The following NXPE3 variants were observed in gnomAD, a reference collection of about 807,000 sequenced individuals.
The protein encoded by NXPE3 is NXPE family member 3.
NXPE3 carries 26 observed loss-of-function variants against 46.1 expected under a neutral mutation model. The ratio of observed to expected loss-of-function variants is 0.56; its 90% CI spans 0.41 to 0.78. The LOEUF (loss-of-function observed/expected upper bound fraction) is 0.78. Ranked by LOEUF, NXPE3 falls within the 30% of genes least tolerant of loss-of-function variation. The pLI, the probability that NXPE3 is intolerant of heterozygous loss-of-function variation, is 0.00. For missense variants in NXPE3, 620 were observed against 686.0 expected (o/e 0.90, Z 1.07); for synonymous variants, 272 against 257.9 (o/e 1.05, Z -0.52).
chr3:101,825,081 T>A lies in NXPE3; in HGVS notation c.*3127T>A, dbSNP rs1260309212. On this transcript the variant is annotated 3_prime_UTR_variant, in exon 8 of 8. Transcript: ENST00000273347. ...AAACTTACGTCATGGGGGTTTGTTG[T>A]ATAGATGATTTCATCACCCAGGTGT... The A allele has an allele frequency of 6.6e-6, 1 of 152,174 alleles. No individual in the cohort carries two copies. Among genetic ancestry groups the A allele is most frequent in the East Asian group, 1.9e-4 (1 of 5,196 alleles). 9.4% of individuals were successfully genotyped at this position (152,174 alleles called of 1,614,324 possible).
chr3:101,824,855 A>C lies in NXPE3; in HGVS notation c.*2901A>C, dbSNP rs1433753510. On this transcript the variant is annotated 3_prime_UTR_variant, in exon 8 of 8. Transcript: ENST00000273347. ...AAAAGAAAGCGGGCATTGCTCCTCC[A>C]GTGGTTTGGAATGATGCCACTTGAT... 6.6e-6 allele frequency: 1 copy of C among 152,158 alleles called. No homozygotes were observed. Among genetic ancestry groups the C allele is most frequent in the Non-Finnish European group, 1.5e-5 (1 of 68,034 alleles). 9.4% of individuals were successfully genotyped at this position (152,158 alleles called of 1,614,324 possible).
chr3:101,803,310 C>G (rs1002556201), intron 5 of NXPE3, among the ~76,000 whole-genome samples: 1 of 152,100 alleles, frequency 6.6e-6, no homozygotes, highest in African/African-American at 2.4e-5. Flanking sequence ...AGCTTTTGGT[C>G]ATACCAGATT....
At chr3:101,818,739 ATATATATATATATATTTTTTTTTTTTT>A (rs1250985386) in intron 7 of NXPE3, among the ~76,000 whole-genome samples, 3 of 29,032 alleles carry the variant, frequency 1.0e-4, no homozygotes, top group African/African-American at 3.5e-4. Flanking sequence ...ATATATATAT[ATATATATATATATATTTTTTTTTTTTT>A]TTTTTTTTTT....
Position 101,823,715 on chromosome 3 carries a change from T to G in NXPE3, c.*1761T>G, listed in dbSNP as rs1942361550. Reference sequence around the variant, plus strand: ...AGTAGTTTGAGGCTGCAGTGAGTTATGATTGCGCCACTACACTCCCACTTG... The same window carrying G: ...AGTAGTTTGAGGCTGCAGTGAGTTAGGATTGCGCCACTACACTCCCACTTG... On this transcript the variant is annotated 3_prime_UTR_variant, in exon 8 of 8. Coordinates refer to ENST00000273347, the MANE Select transcript of NXPE3 (RefSeq NM_145037.4). 1 of 152,078 alleles carries G rather than the reference T, an allele frequency of 6.6e-6. No individual in the cohort carries two copies. Among genetic ancestry groups the G allele is most frequent in the African/African-American group, 2.4e-5 (1 of 41,382 alleles). 9.4% of individuals were successfully genotyped at this position (152,078 alleles called of 1,614,324 possible).
chr3:101,818,757 T>A (rs867223635), intron 7 of NXPE3, among the ~76,000 whole-genome samples: 54 of 67,244 alleles, frequency 8.0e-4, no homozygotes, highest in African/African-American at 2.4e-3. Flanking sequence ...ATATATATTT[T>A]TTTTTTTTTT....
At position 101,803,020 on chromosome 3, in the gene NXPE3, AC is replaced by A. The variant is rs1193135201; in HGVS notation, c.848+1032del. Reference sequence around the variant, plus strand: ...TCACAATTGCACTACAGCCTGGACAACAGAGTGAGACCCTGTCTCAACAAAA... The same window carrying A: ...TCACAATTGCACTACAGCCTGGACAAAGAGTGAGACCCTGTCTCAACAAAA... On this transcript the variant is annotated intron_variant, in intron 5 of 7. Coordinates refer to ENST00000273347, the MANE Select transcript of NXPE3 (RefSeq NM_145037.4). Among the ~76,000 whole-genome samples the A allele has an allele frequency of 3.3e-5, 5 of 152,338 alleles. No homozygotes were observed. The East Asian group carries it at 7.7e-4, about 23-fold the overall frequency.
At chr3:101,808,817 G>GGATATA (rs1553802973) in intron 6 of NXPE3, among the ~76,000 whole-genome samples, 14 of 6,670 alleles carry the variant, frequency 2.1e-3, no homozygotes, top group South Asian at 7.0e-3. Flanking sequence ...TAATTTTAGA[G>GGATATA]GATATATATA....
intron 4 of NXPE3, among the ~76,000 whole-genome samples, chr3:101,794,935 A>T (rs551316631): frequency 6.6e-6 from 1 of 152,366 alleles, no homozygotes; most frequent in Admixed American, 6.5e-5. Context: ...AACAGTTGTG[A>T]TATTGAAAAT....
intron 7 of NXPE3, among the ~76,000 whole-genome samples, chr3:101,817,760 G>A (rs1396123682): frequency 6.6e-6 from 1 of 152,204 alleles, no homozygotes; most frequent in Non-Finnish European, 1.5e-5. Context: ...TTAGAGAGCT[G>A]ATAGTTTTGT....
At chr3:101,810,014 A>G (rs114929919) in intron 6 of NXPE3, among the ~76,000 whole-genome samples, 20 of 152,322 alleles carry the variant, frequency 1.3e-4, no homozygotes, top group South Asian at 6.2e-4. Flanking sequence ...ATATTCTTAC[A>G]AGGTAAAACT....
chr3:101,799,999 TA>T (rs1030188065), intron 4 of NXPE3, among the ~76,000 whole-genome samples: 1 of 152,198 alleles, frequency 6.6e-6, no homozygotes, highest in Non-Finnish European at 1.5e-5. Flanking sequence ...ATCAATCTTT[TA>T]AAAAACCAGC....
At position 101,816,828 on chromosome 3, in the gene NXPE3, G is replaced by A; in HGVS notation, c.956G>A (p.Gly319Glu). ...AGTCTAGAACTATCTCAAGGCTCAG[G>A]AACTTTTCCTTCTGGGTATTATTAT... is the stretch of plus-strand genomic sequence containing the variant. ...TNSLELSQGS[G>E]TFPSGYYYKD... Residue 319 changes from glycine (G) to glutamate (E), a missense_variant, in exon 7 of 8, where the codon GGA becomes GAA. Physicochemically the swap from Gly to Glu is moderately conservative, Grantham distance 98 (BLOSUM62 -2). This residue lies in a region of NXPE3 where 511 missense variants were observed against 528.6 expected (regional missense o/e 0.97). Transcript: ENST00000273347. The A allele has an allele frequency of 6.2e-7, 1 of 1,614,036 alleles. No homozygotes were observed. Among genetic ancestry groups the A allele is most frequent in the Non-Finnish European group, 8.5e-7 (1 of 1,179,966 alleles).
At chr3:101,808,818 G>GATATATAT (rs58006464) in intron 6 of NXPE3, among the ~76,000 whole-genome samples, 3,539 of 30,368 alleles carry the variant, frequency 0.12, 446 homozygotes, top group East Asian at 0.13. Flanking sequence ...AATTTTAGAG[G>GATATATAT]ATATATATAT....
At chr3:101,803,457 A>G (rs1941263365) in intron 5 of NXPE3, among the ~76,000 whole-genome samples, 1 of 152,228 alleles carries the variant, frequency 6.6e-6, no homozygotes, top group Non-Finnish European at 1.5e-5. Flanking sequence ...ACAAAATTAA[A>G]TTTCACAACT....
chr3:101,794,150 G>A (rs147204576), intron 4 of NXPE3, among the ~76,000 whole-genome samples: 2 of 151,210 alleles, frequency 1.3e-5, no homozygotes, highest in South Asian at 2.1e-4. Flanking sequence ...AGGCTAAATC[G>A]CATTACTGTT....
chr3:101,787,835 G>A (rs752485882), intron 4 of NXPE3, among the ~76,000 whole-genome samples: 8 of 152,162 alleles, frequency 5.3e-5, no homozygotes, highest in Non-Finnish European at 1.0e-4. Context: ...TGACATTTGG[G>A]TTGTTTCTAC....
intron 4 of NXPE3, among the ~76,000 whole-genome samples, chr3:101,793,390 T>C (rs916432037): frequency 1.6e-4 from 25 of 152,138 alleles, no homozygotes; most frequent in African/African-American, 6.0e-4. Context: ...TCTGTGGTGT[T>C]TTTATATTTA....
intron 4 of NXPE3, among the ~76,000 whole-genome samples, chr3:101,795,569 A>G (rs547860065): frequency 2.8e-4 from 42 of 151,444 alleles, no homozygotes; most frequent in African/African-American, 9.7e-4. Flanking sequence ...TTGTAACAAT[A>G]TCTAGCAAAA....
At chr3:101,804,976 T>C (rs148226827) in intron 5 of NXPE3, among the ~76,000 whole-genome samples, 16 of 152,362 alleles carry the variant, frequency 1.1e-4, no homozygotes, top group African/African-American at 3.6e-4. Flanking sequence ...TTAGAAACAT[T>C]GCAGGAATAA....
Sources: allele counts gnomAD v4.1 joint callset (sites outside exome capture counted in the v4.1 genomes callset), GRCh38; gene constraint gnomAD v4.1.1; regional missense constraint gnomAD v4.1.1; transcripts MANE v1.5; gene names NCBI Gene and HGNC (gene_info 2026-07-23, HGNC 2026-07-21).